Variants in DGKB observed in about 807,000 individuals in gnomAD.
The protein encoded by DGKB is 90 kDa diacylglycerol kinase.
A neutral mutation model predicts 114.3 loss-of-function variants in DGKB; 67 were observed. The ratio of observed to expected loss-of-function variants is 0.59; its 90% CI spans 0.48 to 0.72. The LOEUF is 0.72. Among genes scored for constraint, DGKB ranks in the 30% least tolerant of loss-of-function variants. The pLI, the probability that DGKB is intolerant of heterozygous loss-of-function variation, is 0.00. For synonymous variants in DGKB, 398 were observed against 323.1 expected (o/e 1.23, Z -2.49); for missense variants, 907 against 975.2 (o/e 0.93, Z 0.93).
chr7:14,342,439 C>A (rs184012698), intron 22 of DGKB, among the ~76,000 whole-genome samples: 50 of 151,908 alleles, frequency 3.3e-4, no homozygotes, highest in African/African-American at 1.1e-3. Context: ...TTAATATAAA[C>A]ATTGGTTTTA....
intron 23 of DGKB, among the ~76,000 whole-genome samples, chr7:14,223,344 G>A (rs1020281516): frequency 5.9e-5 from 9 of 151,574 alleles, no homozygotes; most frequent in African/African-American, 2.2e-4. Flanking sequence ...ATCAGAATCA[G>A]CTTCATATTT....
chr7:14,452,538 T>C (rs1027044989), intron 21 of DGKB, among the ~76,000 whole-genome samples: 8 of 152,038 alleles, frequency 5.3e-5, no homozygotes, highest in Non-Finnish European at 1.0e-4. Flanking sequence ...TCCTGGCAAA[T>C]CATTTCATAG....
intron 2 of DGKB, among the ~76,000 whole-genome samples, chr7:14,785,895 T>G (rs561369602): frequency 6.8e-6 from 1 of 146,310 alleles, no homozygotes; most frequent in East Asian, 1.9e-4. Flanking sequence ...AAGTTTTTCT[T>G]TTTTTTTTTT....
intron 21 of DGKB, among the ~76,000 whole-genome samples, chr7:14,438,807 C>T (rs1362657055): frequency 1.3e-5 from 2 of 152,066 alleles, no homozygotes; most frequent in East Asian, 3.9e-4. Flanking sequence ...TTAAGTATCA[C>T]CTAATTATCT....
intron 21 of DGKB, among the ~76,000 whole-genome samples, chr7:14,441,122 C>T (rs1830031216): frequency 1.3e-5 from 2 of 152,044 alleles, no homozygotes; most frequent in Admixed American, 6.6e-5. Flanking sequence ...GATTCTCCTA[C>T]CTCAGACTCT....
chr7:14,729,971 C>T (rs980591498), intron 5 of DGKB, among the ~76,000 whole-genome samples: 42 of 152,116 alleles, frequency 2.8e-4, no homozygotes, highest in African/African-American at 9.7e-4. Context: ...CTAGGAAAAT[C>T]TTCTCTTTCT....
intron 23 of DGKB, among the ~76,000 whole-genome samples, chr7:14,325,457 C>T (rs1808553757): frequency 1.3e-5 from 2 of 152,092 alleles, no homozygotes; most frequent in Admixed American, 1.3e-4. Context: ...GACAAGACAG[C>T]AAGAAATTAC....
Position 14,581,016 on chromosome 7 carries a change from AAGAT to A in DGKB, c.1520-69_1520-66del, listed in dbSNP as rs959813644. 2.6e-6 allele frequency: 3 copies of A among 1,153,726 alleles called. 1 individual carries two copies. The highest frequency in any genetic ancestry group is 2.9e-5 in the South Asian group (2 of 68,742). The allele number at this position is 1,153,726 out of a possible 1,614,324, so 71.5% of individuals were successfully genotyped here. ...GTTCAGATAAAACGACGGAAATAAAAAGATAGCCTGATGACATTAAATGAAGGAA... is the reference window on the plus strand; with the variant it reads ...GTTCAGATAAAACGACGGAAATAAAAAGCCTGATGACATTAAATGAAGGAA... On this transcript the variant is annotated intron_variant, in intron 18 of 25. Coordinates refer to ENST00000402815, the MANE Select transcript of DGKB (RefSeq NM_001350709.2).
intron 1 of DGKB, among the ~76,000 whole-genome samples, chr7:14,860,432 G>A (rs1850807013): frequency 6.6e-6 from 1 of 151,892 alleles, no homozygotes; most frequent in African/African-American, 2.4e-5. Flanking sequence ...TGTGCTTGAT[G>A]CCTAACAAAT....
At chr7:14,538,836 G>C (rs547124567) in intron 20 of DGKB, among the ~76,000 whole-genome samples, 1 of 152,056 alleles carries the variant, frequency 6.6e-6, no homozygotes, top group Non-Finnish European at 1.5e-5. Flanking sequence ...GTGACAACAC[G>C]GATGGACCTG....
At chr7:14,175,600 C>T (rs904653893) in intron 25 of DGKB, among the ~76,000 whole-genome samples, 14 of 152,160 alleles carry the variant, frequency 9.2e-5, no homozygotes, top group African/African-American at 3.4e-4. Context: ...AATCAATCCT[C>T]CACAGAGCAG....
chr7:14,566,169 T>C (rs1370778288), intron 20 of DGKB, among the ~76,000 whole-genome samples: 1 of 152,148 alleles, frequency 6.6e-6, no homozygotes, highest in Non-Finnish European at 1.5e-5. Flanking sequence ...GTAATATAAA[T>C]GTAATGCTGA....
rs190098766 is a variant in DGKB, at chr7:14,726,430, G to A, written c.323-7745C>T. ...TTACAGACGTGAGCCACCGTGCCCG[G>A]CCAGAATCGGAGTTTTATACTCTAA... On this transcript the variant is annotated intron_variant, in intron 5 of 25. Coordinates refer to ENST00000402815, the MANE Select transcript of DGKB (RefSeq NM_001350709.2). Among the ~76,000 whole-genome samples the A allele has an allele frequency of 2.0e-5, 3 of 152,242 alleles. No individual in the cohort carries two copies. The East Asian group carries it at 5.8e-4, about 29-fold the overall frequency.
intron 25 of DGKB, among the ~76,000 whole-genome samples, chr7:14,161,353 C>A (rs1281676129): frequency 4.6e-5 from 7 of 152,160 alleles, no homozygotes; most frequent in Admixed American, 3.3e-4. Flanking sequence ...ACTATAAAGA[C>A]AGATGCACCT....
At chr7:14,186,128 G>A (rs1406040914) in intron 23 of DGKB, among the ~76,000 whole-genome samples, 1 of 152,080 alleles carries the variant, frequency 6.6e-6, no homozygotes, top group Non-Finnish European at 1.5e-5. Context: ...ATCTGACAAA[G>A]GACTAATAAC....
intron 21 of DGKB, among the ~76,000 whole-genome samples, chr7:14,462,458 A>G (rs1366569928): frequency 6.6e-6 from 1 of 152,166 alleles, no homozygotes; most frequent in Non-Finnish European, 1.5e-5. Context: ...CTATACACCA[A>G]TAATAGACCA....
chr7:14,715,594 C>A (rs1201171189), intron 6 of DGKB, among the ~76,000 whole-genome samples: 4 of 152,046 alleles, frequency 2.6e-5, no homozygotes. Context: ...CACCTTCTAC[C>A]TGATAGAGCC....
chr7:14,703,564 A>G (rs996404296), intron 6 of DGKB, among the ~76,000 whole-genome samples: 1 of 152,212 alleles, frequency 6.6e-6, no homozygotes, highest in Non-Finnish European at 1.5e-5. Context: ...ACACAGAAGC[A>G]CAGTCCCAGG....
At chr7:14,635,529 C>T (rs890727202) in intron 13 of DGKB, among the ~76,000 whole-genome samples, 4 of 151,432 alleles carry the variant, frequency 2.6e-5, no homozygotes, top group Admixed American at 6.6e-5. Context: ...ACTATGAAAT[C>T]GAGGAGGAGA....
Sources: gnomAD v4.1 joint callset for allele counts (sites outside exome capture counted in the v4.1 genomes callset) on GRCh38, gnomAD v4.1.1 for gene constraint, MANE v1.5 for transcripts, NCBI Gene and HGNC (gene_info 2026-07-23, HGNC 2026-07-21) for gene names.